Variants in CARS2 observed in about 807,000 individuals in gnomAD.
CARS2 encodes the protein cysteinyl-tRNA synthetase 2, mitochondrial.
In CARS2, 52 loss-of-function variants were observed where a neutral mutation model predicts 68.8. That is an observed-to-expected ratio of 0.76 (90% CI 0.61 to 0.95). CARS2 has a LOEUF of 0.95. Among genes scored for constraint, CARS2 ranks in the 40% least tolerant of loss-of-function variants. CARS2 has a pLI of 0.00. For synonymous variants in CARS2, 314 were observed against 303.6 expected (o/e 1.03, Z -0.36); for missense variants, 780 against 754.2 (o/e 1.03, Z -0.40).
intron 6 of CARS2, among the ~76,000 whole-genome samples, chr13:110,682,351 G>A (rs541624607): frequency 5.9e-5 from 9 of 152,324 alleles, no homozygotes; most frequent in African/African-American, 1.2e-4. Flanking sequence ...TCTGTGTTCC[G>A]GCCTGTGCGG....
intron 9 of CARS2, among the ~76,000 whole-genome samples, chr13:110,658,172 C>G (rs1397214113): frequency 6.6e-6 from 1 of 152,064 alleles, no homozygotes; most frequent in African/African-American, 2.4e-5. Context: ...CTAGAAAGAA[C>G]AATGAAATAT....
At chr13:110,675,263 G>GT (rs1166553482) in intron 7 of CARS2, among the ~76,000 whole-genome samples, 6 of 152,188 alleles carry the variant, frequency 3.9e-5, no homozygotes, top group Non-Finnish European at 7.3e-5. Flanking sequence ...GCACACGTAT[G>GT]TTTATTGTGG....
At chr13:110,692,057 C>CATAT (rs375987244) in intron 3 of CARS2, among the ~76,000 whole-genome samples, 5 of 133,422 alleles carry the variant, frequency 3.7e-5, no homozygotes, top group African/African-American at 8.3e-5. Flanking sequence ...TACACATATA[C>CATAT]ATATATATAT....
At chr13:110,684,699 G>GAC (rs1388089638) in intron 5 of CARS2, among the ~76,000 whole-genome samples, 2 of 151,630 alleles carry the variant, frequency 1.3e-5, no homozygotes, top group African/African-American at 4.8e-5. Flanking sequence ...ACAGGAGGGG[G>GAC]ACATCCAGGC....
chr13:110,709,477 G>A (rs1190160980), upstream of CARS2, among the ~76,000 whole-genome samples: 1 of 152,108 alleles, frequency 6.6e-6, no homozygotes, highest in African/African-American at 2.4e-5. Flanking sequence ...TTAGAAATGT[G>A]ATCTTTTTGC....
chr13:110,689,902 A>C lies in CARS2; in HGVS notation c.394-1884T>G, dbSNP rs139603707. 5.6e-3 allele frequency among the ~76,000 whole-genome samples: 848 copies of C among 152,292 alleles called. 8 individuals carry two copies. Among genetic ancestry groups the C allele is most frequent in the African/African-American group, 0.019 (779 of 41,554 alleles). On this transcript the variant is annotated intron_variant, in intron 3 of 14. Coordinates refer to ENST00000257347, the MANE Select transcript of CARS2 (RefSeq NM_024537.4). ...TTCTTGCCGCTTCAGACTCCCCCGG[A>C]AGTCTCAAATTCCATGCAATTTTGG...
intron 6 of CARS2, among the ~76,000 whole-genome samples, chr13:110,678,260 G>C (rs2063028716): frequency 6.6e-6 from 1 of 152,236 alleles, no homozygotes; most frequent in Non-Finnish European, 1.5e-5. Flanking sequence ...ATCACACAGA[G>C]TGAAAGGCGC....
At chr13:110,642,207 CA>C (rs1024435544) in intron 14 of CARS2, 107 bp downstream of exon 14, 420 of 863,648 alleles carry the variant, frequency 4.9e-4, no homozygotes, top group Non-Finnish European at 5.9e-4. Flanking sequence ...AACTCCGTCT[CA>C]AAAAAAAAGC....
At chr13:110,704,326 A>G (rs529136909) in intron 2 of CARS2, among the ~76,000 whole-genome samples, 1 of 152,182 alleles carries the variant, frequency 6.6e-6, no homozygotes, top group African/African-American at 2.4e-5. Context: ...TTTGTTTTTA[A>G]TATTTCCCCA....
At chr13:110,678,564 T>A (rs1048243035) in intron 6 of CARS2, among the ~76,000 whole-genome samples, 7 of 152,202 alleles carry the variant, frequency 4.6e-5, no homozygotes, top group Admixed American at 1.3e-4. Flanking sequence ...AATAACATCC[T>A]CTGGGCACCC....
chr13:110,669,774 G>T (rs1410759012), intron 7 of CARS2, among the ~76,000 whole-genome samples: 1 of 152,166 alleles, frequency 6.6e-6, no homozygotes, highest in Admixed American at 6.5e-5. Flanking sequence ...CGCCTCACCT[G>T]TGAAGTGTGA....
rs867476973 is a variant in CARS2, at chr13:110,665,675, C to A, written c.919+1665G>T. 4.6e-5 allele frequency: 45 copies of A among 985,240 alleles called. No homozygotes were observed. Among genetic ancestry groups the A allele is most frequent in the Admixed American group, 6.2e-5 (1 of 16,254 alleles). 61.0% of individuals were successfully genotyped at this position (985,240 alleles called of 1,614,324 possible). The stretch of plus-strand genomic sequence containing the variant: ...AAACCTGCAGACAGAAACGTGCCTG[C>A]GGAGGGAGCAACTCCAGCTCCTCAG... On this transcript the variant is annotated intron_variant, in intron 8 of 14. Coordinates refer to ENST00000257347, the MANE Select transcript of CARS2 (RefSeq NM_024537.4). The surrounding 1 kb of genome is among the most constrained non-coding windows in gnomAD (Gnocchi z 4.3).
At chr13:110,712,922 G>C in intron 1 of CARS2, 1 of 1,554,480 alleles carries the variant, frequency 6.4e-7, no homozygotes, top group Non-Finnish European at 8.7e-7. Context: ...GTGACGGATG[G>C]CGCAGGCGCG....
intron 3 of CARS2, among the ~76,000 whole-genome samples, chr13:110,692,037 T>TATA (rs1431912095): frequency 2.2e-5 from 1 of 45,216 alleles, no homozygotes; most frequent in Non-Finnish European, 6.1e-5. Context: ...CACACACACA[T>TATA]ATATATATAT....
chr13:110,691,832 GT>G (rs2139878701), intron 3 of CARS2, among the ~76,000 whole-genome samples: 1 of 151,942 alleles, frequency 6.6e-6, no homozygotes, highest in East Asian at 1.9e-4. Context: ...ACACCAGAGG[GT>G]TAGGGGGTGC....
intron 12 of CARS2, 26 bp downstream of exon 12, chr13:110,645,941 G>A (rs376207512): frequency 1.4e-5 from 22 of 1,606,602 alleles, no homozygotes; most frequent in Admixed American, 5.1e-5. Flanking sequence ...CAGCAGGACC[G>A]CAAGGCCACC....
chr13:110,641,732 G>T (rs1487181284), intron 14 of CARS2, 124 bp from the exon 15 acceptor site: 1 of 803,192 alleles, frequency 1.2e-6, no homozygotes, highest in African/African-American at 1.7e-5. Context: ...AAGCTTGCCA[G>T]GCGCTTAGAA....
At chr13:110,697,279 C>T (rs1406439015) in intron 3 of CARS2, among the ~76,000 whole-genome samples, 1 of 152,242 alleles carries the variant, frequency 6.6e-6, no homozygotes, top group Non-Finnish European at 1.5e-5. Flanking sequence ...ACGCACCTGC[C>T]TTCTAAATCC....
chr13:110,660,230 A>C (rs2062467690), intron 9 of CARS2, among the ~76,000 whole-genome samples: 1 of 152,190 alleles, frequency 6.6e-6, no homozygotes, highest in Admixed American at 6.5e-5. Context: ...TTCTCTTGCT[A>C]TTCCCACCAT....
Sources: allele counts gnomAD v4.1 joint callset (sites outside exome capture counted in the v4.1 genomes callset), GRCh38; gene constraint gnomAD v4.1.1; non-coding constraint Gnocchi (gnomAD v3.1); transcripts MANE v1.5; gene names NCBI Gene and HGNC (gene_info 2026-07-23, HGNC 2026-07-21).